Variants in ANKS1B observed in about 807,000 individuals in gnomAD.
ANKS1B encodes the protein ankyrin repeat and sterile alpha motif domain-containing protein 1B.
A neutral mutation model predicts 148.3 loss-of-function variants in ANKS1B; 36 were observed. The ratio of observed to expected loss-of-function variants is 0.24; its 90% confidence interval spans 0.19 to 0.32. ANKS1B has a LOEUF of 0.32. Among genes scored for constraint, ANKS1B ranks in the 10% least tolerant of loss-of-function variants. ANKS1B has a pLI of 1.00. For synonymous variants in ANKS1B, 542 were observed against 560.8 expected, an observed-to-expected ratio of 0.97 and a Z score of 0.47; for missense variants, 1,157 against 1,542.6, an observed-to-expected ratio of 0.75 and a Z score of 4.19.
At chr12:99,520,239 A>AT (rs1428276115) in intron 9 of ANKS1B, among the ~76,000 whole-genome samples, 1 of 152,034 alleles carries the variant, frequency 6.6e-6, no homozygotes, top group Non-Finnish European at 1.5e-5. Flanking sequence ...TCCCTTTAAC[A>AT]TTTCTTGTAG....
At chr12:99,499,217 A>G (rs1338277716) in intron 10 of ANKS1B, among the ~76,000 whole-genome samples, 1 of 152,188 alleles carries the variant, frequency 6.6e-6, no homozygotes, top group Admixed American at 6.6e-5. Flanking sequence ...TTTAAAAACC[A>G]CAAAATTTCC....
chr12:99,237,325 T>C (rs1413832708), intron 14 of ANKS1B, among the ~76,000 whole-genome samples: 1 of 152,078 alleles, frequency 6.6e-6, no homozygotes, highest in Non-Finnish European at 1.5e-5. Flanking sequence ...TATATATGTA[T>C]ATATATGTGT....
intron 9 of ANKS1B, among the ~76,000 whole-genome samples, chr12:99,515,336 C>T (rs965168710): frequency 1.6e-4 from 24 of 152,070 alleles, no homozygotes; most frequent in African/African-American, 5.1e-4. Flanking sequence ...CACTATTCTT[C>T]CCAGCCTCTG....
intron 8 of ANKS1B, among the ~76,000 whole-genome samples, chr12:99,673,518 A>G (rs2098548070): frequency 6.6e-6 from 1 of 152,062 alleles, no homozygotes; most frequent in South Asian, 2.1e-4. Context: ...AATATAAACA[A>G]TAGTATAAGC....
chr12:98,841,592 A>G (rs78997709), intron 17 of ANKS1B, among the ~76,000 whole-genome samples: 1 of 152,312 alleles, frequency 6.6e-6, no homozygotes, highest in African/African-American at 2.4e-5. Flanking sequence ...TTAAAAATGC[A>G]TCCACAGATT....
At chr12:99,646,433 G>A (rs571389548) in intron 9 of ANKS1B, among the ~76,000 whole-genome samples, 12 of 152,124 alleles carry the variant, frequency 7.9e-5, no homozygotes, top group East Asian at 1.9e-4. Context: ...CAAGGCGGGC[G>A]AATCACGAGG....
At chr12:99,777,969 C>A (rs574939522) in intron 6 of ANKS1B, among the ~76,000 whole-genome samples, 1 of 151,162 alleles carries the variant, frequency 6.6e-6, no homozygotes, top group Non-Finnish European at 1.5e-5. Context: ...GAGGCCAAGG[C>A]GGGTGGCCCA....
intron 15 of ANKS1B, among the ~76,000 whole-genome samples, chr12:99,101,828 C>T (rs767131998): frequency 2.6e-5 from 4 of 152,148 alleles, no homozygotes; most frequent in East Asian, 1.9e-4. Context: ...TCCCAAGGTG[C>T]TGGGATTACA....
At chr12:99,333,045 G>T (rs1348246855) in intron 12 of ANKS1B, among the ~76,000 whole-genome samples, 3 of 152,088 alleles carry the variant, frequency 2.0e-5, no homozygotes, top group Non-Finnish European at 2.9e-5. Context: ...GATCACGTTT[G>T]TGTTTTAGAA....
chr12:98,926,855 A>G (rs2099808973), intron 17 of ANKS1B, among the ~76,000 whole-genome samples: 1 of 152,104 alleles, frequency 6.6e-6, no homozygotes, highest in Non-Finnish European at 1.5e-5. Flanking sequence ...ATGAAGAAAA[A>G]CAGTATCAAA....
chr12:99,910,922 C>A (rs191332792), intron 1 of ANKS1B, among the ~76,000 whole-genome samples: 53 of 152,204 alleles, frequency 3.5e-4, no homozygotes, highest in African/African-American at 1.2e-3. Context: ...ATAATAATAT[C>A]AAGTACTCAT....
chr12:99,517,888 T>G (rs1053636895), intron 9 of ANKS1B, among the ~76,000 whole-genome samples: 2 of 152,164 alleles, frequency 1.3e-5, no homozygotes, highest in Non-Finnish European at 2.9e-5. Flanking sequence ...TTAAGATATG[T>G]TCCTTCTATA....
At chr12:99,660,830 T>C (rs184997494) in intron 8 of ANKS1B, among the ~76,000 whole-genome samples, 12 of 152,252 alleles carry the variant, frequency 7.9e-5, no homozygotes, top group Admixed American at 6.5e-4. Flanking sequence ...CAAAAGGCTA[T>C]GCATGATCTG....
At chr12:99,947,039 G>C (rs1178012782) in intron 1 of ANKS1B, among the ~76,000 whole-genome samples, 1 of 152,104 alleles carries the variant, frequency 6.6e-6, no homozygotes, top group Non-Finnish European at 1.5e-5. Flanking sequence ...GGCCAAGGAG[G>C]ACCTGTGGCT....
intron 17 of ANKS1B, among the ~76,000 whole-genome samples, chr12:98,925,941 TA>T (rs1216299601): frequency 6.6e-6 from 1 of 151,930 alleles, no homozygotes. Context: ...TAATTGAAAC[TA>T]AAAAAAGAAT....
intron 12 of ANKS1B, among the ~76,000 whole-genome samples, chr12:99,339,130 T>A (rs943189090): frequency 6.6e-6 from 1 of 152,120 alleles, no homozygotes; most frequent in African/African-American, 2.4e-5. Context: ...GCATAGACCA[T>A]CTTTCAAGTT....
At chr12:98,784,590 T>C (rs4762213) in intron 22 of ANKS1B, among the ~76,000 whole-genome samples, 41,389 of 151,896 alleles carry the variant, frequency 0.27, 6,058 homozygotes, top group Middle Eastern at 0.37. Context: ...AAGAAAATGG[T>C]GGCAGCAGCT....
intron 9 of ANKS1B, among the ~76,000 whole-genome samples, chr12:99,521,389 A>G (rs1455011821): frequency 6.6e-6 from 1 of 152,148 alleles, no homozygotes; most frequent in Non-Finnish European, 1.5e-5. Flanking sequence ...ATTAGTCCTT[A>G]GTGCCTTACT....
At chr12:99,977,060 TA>T (rs1398505884) in intron 1 of ANKS1B, among the ~76,000 whole-genome samples, 1 of 152,162 alleles carries the variant, frequency 6.6e-6, no homozygotes, top group Non-Finnish European at 1.5e-5. Context: ...CCATGACACC[TA>T]ACCCACTCCC....
Sources: allele counts gnomAD v4.1 joint callset (sites outside exome capture counted in the v4.1 genomes callset), GRCh38; gene constraint gnomAD v4.1.1; transcripts MANE v1.5; gene names NCBI Gene and HGNC (gene_info 2026-07-23, HGNC 2026-07-21).